The following SMYD4 variants were observed in gnomAD, a reference collection of about 807,000 sequenced individuals.
SMYD4 encodes SET and MYND domain containing 4, also known as protein-lysine N-methyltransferase SMYD4.
SMYD4 carries 68 observed loss-of-function variants against 72.8 expected under a neutral mutation model. That is an observed-to-expected ratio of 0.93 (90% CI 0.77 to 1.14). The LOEUF (loss-of-function observed/expected upper bound fraction) is 1.14, where lower values mean the gene tolerates loss of function less well. Ranked by LOEUF, SMYD4 falls within the 50% of genes most tolerant of loss-of-function variation. The pLI is 0.00. For missense variants in SMYD4, 984 were observed against 1,003.7 expected, an observed-to-expected ratio of 0.98 and a Z score of 0.27; for synonymous variants, 407 against 388.6, an observed-to-expected ratio of 1.05 and a Z score of -0.56.
chr17:1,821,855 T>A (rs1163478431), intron 2 of SMYD4, among the ~76,000 whole-genome samples: 1 of 151,416 alleles, frequency 6.6e-6, no homozygotes, highest in Non-Finnish European at 1.5e-5. Context: ...CGCTTGAACC[T>A]GGGAGGCAGA....
At chr17:1,817,819 G>A (rs992465887) in intron 2 of SMYD4, among the ~76,000 whole-genome samples, 1 of 151,952 alleles carries the variant, frequency 6.6e-6, no homozygotes, top group Non-Finnish European at 1.5e-5. Context: ...AGGCCGAGGT[G>A]GGCGGATCAC....
Position 1,787,408 on chromosome 17 carries a change from G to C in SMYD4, c.1720+14C>G, listed in dbSNP as rs189865799. The stretch of plus-strand genomic sequence containing the variant: ...TGGAGAAGGGCAGGATGGCAGTGCG[G>C]AGGGATGGCTCACCATAGCAGTGGA... On this transcript the variant is annotated intron_variant, in intron 6 of 10. Coordinates refer to ENST00000305513, the MANE Select transcript of SMYD4 (RefSeq NM_052928.3). 6.4e-7 allele frequency: 1 copy of C among 1,552,386 alleles called. No individual in the cohort carries two copies.
chr17:1,799,872 T>A lies in SMYD4; in HGVS notation c.1522A>T (p.Thr508Ser), dbSNP rs1275979707. The A allele has an allele frequency of 6.2e-7, 1 of 1,600,172 alleles. No homozygotes were observed. Among genetic ancestry groups the A allele is most frequent in the Admixed American group, 1.7e-5 (1 of 59,232 alleles). The change falls in exon 5 of 11, where the codon ACC becomes TCC. Residue 508 changes from threonine to serine, a missense_variant. Coordinates refer to ENST00000305513, the MANE Select transcript of SMYD4 (RefSeq NM_052928.3). ...QLQCNAQAMT[T>S]IQHTGPKGSI... ...TCCCTCTTACCTGTGTGTTGTATGG[T>A]GGTCATCGCCTGAGCGTTACACTGA...
rs1040016648 is a variant in SMYD4, at chr17:1,800,786, C to A, written c.608G>T (p.Ser203Ile). 1.9e-6 allele frequency: 3 copies of A among 1,614,220 alleles called. No homozygotes were observed. Among genetic ancestry groups the A allele is most frequent in the Non-Finnish European group, 2.5e-6 (3 of 1,180,032 alleles). Residue 203 changes from serine (S) to isoleucine (I), a missense_variant, in exon 5 of 11, where the codon AGT becomes ATT. Coordinates refer to ENST00000305513, the MANE Select transcript of SMYD4 (RefSeq NM_052928.3). ...AGCTGCTGGGAAGCTTTCTGTGAGACTGTCCTTTTCTTGCATCTTCATTTT... is the reference window on the plus strand; with the variant it reads ...AGCTGCTGGGAAGCTTTCTGTGAGAATGTCCTTTTCTTGCATCTTCATTTT... Reference protein sequence around the residue: ...RLKMKMQEKDSLTESFPAALA... With the variant: ...RLKMKMQEKDILTESFPAALA...
intron 2 of SMYD4, among the ~76,000 whole-genome samples, chr17:1,826,027 G>C (rs1336811120): frequency 6.6e-6 from 1 of 151,568 alleles, no homozygotes; most frequent in Non-Finnish European, 1.5e-5. Flanking sequence ...TTGTAAATAG[G>C]GTAAAAAAGA....
Position 1,780,926 on chromosome 17 carries a change from A to ATT in SMYD4, c.*358_*359dup. 3 of 109,924 alleles carry ATT rather than the reference A, an allele frequency of 2.7e-5. No homozygotes were observed. The highest frequency in any genetic ancestry group is 2.4e-4 in the South Asian group (1 of 4,140). The allele number at this position is 109,924 out of a possible 1,614,324, so 6.8% of individuals were successfully genotyped here. On this transcript the variant is annotated 3_prime_UTR_variant, in exon 11 of 11. Coordinates refer to ENST00000305513, the MANE Select transcript of SMYD4 (RefSeq NM_052928.3). ...CTTGAGCCACCGCACCCGGCCTCTT[A>ATT]TTTTTTTTTTTGAGATGGAGTCTCA...
rs1909395171 is a variant in SMYD4 at position 1,796,175 on chromosome 17, C to T, written c.1537+3682G>A. On this transcript the variant is annotated intron_variant, in intron 5 of 10. Transcript: ENST00000305513. ...TGAGACAGGGTCTCTCTCTGTTGCCCAGGCTCTAGTGCAGTGGCGCAACTC... is the reference window on the plus strand; with the variant it reads ...TGAGACAGGGTCTCTCTCTGTTGCCTAGGCTCTAGTGCAGTGGCGCAACTC... Among the ~76,000 whole-genome samples, 4 of 152,180 alleles carry T rather than the reference C, an allele frequency of 2.6e-5. No individual in the cohort carries two copies. In the South Asian group the frequency reaches 8.3e-4, roughly 32 times the overall value.
intron 5 of SMYD4, among the ~76,000 whole-genome samples, chr17:1,798,422 A>G (rs1441768041): frequency 6.6e-6 from 1 of 152,070 alleles, no homozygotes; most frequent in Admixed American, 6.6e-5. Context: ...TGTACCTTAT[A>G]AGAAACTTGC....
chr17:1,822,384 T>C lies in SMYD4; in HGVS notation c.134+5477A>G, dbSNP rs563085787. 3.9e-5 allele frequency among the ~76,000 whole-genome samples: 6 copies of C among 152,318 alleles called. No individual in the cohort carries two copies. In the South Asian group the frequency reaches 1.0e-3, roughly 26 times the overall value. ...AAGCACTATTTGATTTCTTAAAGTA[T>C]GTATGCATATTATTCTGATAAAAAA... On this transcript the variant is annotated intron_variant, in intron 2 of 10. Transcript: ENST00000305513.
intron 5 of SMYD4, 74 bp downstream of exon 5, chr17:1,799,783 G>C: frequency 7.2e-7 from 1 of 1,383,996 alleles, no homozygotes; most frequent in Non-Finnish European, 9.6e-7. Flanking sequence ...ATTTTCCTTT[G>C]GAATTGTTTC....
chr17:1,784,575 C>T, intron 7 of SMYD4, 114 bp from the exon 8 acceptor site: 2 of 1,509,442 alleles, frequency 1.3e-6, no homozygotes, highest in East Asian at 2.3e-5. Context: ...AAAGAGACTC[C>T]TGTAACAATA....
rs779467582 is a variant in SMYD4, at chr17:1,799,981, AGAG to A, written c.1410_1412del (p.Ser471del). The A allele has an allele frequency of 2.5e-5, 40 of 1,614,108 alleles. No homozygotes were observed. The highest frequency in any genetic ancestry group is 6.7e-5 in the African/African-American group (5 of 75,028). On this transcript the variant is annotated inframe_deletion, in exon 5 of 11. Transcript: ENST00000305513. The stretch of plus-strand genomic sequence containing the variant: ...CAGGTGTCACTGCTGCTTTAAGCTG[AGAG>A]GAGTTCACAATCCTCTCAGTTGGGA...
At chr17:1,787,016 AG>A in intron 6 of SMYD4, 43 bp from the exon 7 acceptor site, 1 of 1,157,170 alleles carries the variant, frequency 8.6e-7, no homozygotes, top group Non-Finnish European at 1.2e-6. Flanking sequence ...AGCAAGAGAG[AG>A]TCAAACACTA....
intron 2 of SMYD4, among the ~76,000 whole-genome samples, chr17:1,824,898 T>G (rs868748801): frequency 6.6e-6 from 1 of 152,270 alleles, no homozygotes; most frequent in Middle Eastern, 3.4e-3. Flanking sequence ...GCGCTGCGAT[T>G]ACAGGCGTGA....
intron 5 of SMYD4, among the ~76,000 whole-genome samples, chr17:1,789,693 AGGT>A (rs1908908352): frequency 4.1e-5 from 6 of 146,564 alleles, no homozygotes; most frequent in East Asian, 2.1e-4. Flanking sequence ...TGAAACTGGG[AGGT>A]GGAGGTTGCA....
rs756289753 is a variant in SMYD4 at position 1,800,271 on chromosome 17, T to C, written c.1123A>G (p.Ser375Gly). 2 of 1,614,094 alleles carry C rather than the reference T, an allele frequency of 1.2e-6. No individual in the cohort carries two copies. The highest frequency in any genetic ancestry group is 1.7e-6 in the Non-Finnish European group (2 of 1,180,056). ...KIITKLCDKISNKDICLPESN... is the reference protein window; with the variant it reads ...KIITKLCDKIGNKDICLPESN... Reference sequence around the variant, plus strand: ...TCAGGTAAACAGATGTCCTTGTTACTAATCTTATCACAAAGCTTCGTTATG... The same window carrying C: ...TCAGGTAAACAGATGTCCTTGTTACCAATCTTATCACAAAGCTTCGTTATG... The change falls in exon 5 of 11, where the codon AGT (serine) becomes GGT (glycine). Residue 375 changes from serine (S) to glycine (G), a missense_variant. By Grantham distance (56) the Ser-to-Gly change is moderately conservative. Coordinates refer to ENST00000305513, the MANE Select transcript of SMYD4 (RefSeq NM_052928.3).
intron 2 of SMYD4, among the ~76,000 whole-genome samples, chr17:1,815,610 A>G (rs1910550577): frequency 6.7e-6 from 1 of 149,468 alleles, no homozygotes. Flanking sequence ...GTGAGCTACG[A>G]TCACACCACT....
At chr17:1,828,934 TTTTC>T (rs1911364485) in intron 1 of SMYD4, among the ~76,000 whole-genome samples, 1 of 151,554 alleles carries the variant, frequency 6.6e-6, no homozygotes, top group Non-Finnish European at 1.5e-5. Flanking sequence ...CATCCCAGAT[TTTTC>T]TTTCTCACCC....
At position 1,827,958 on chromosome 17, in the gene SMYD4, G is replaced by A. The variant is rs1474100035; in HGVS notation, c.37C>T (p.Leu13Phe). The change falls in exon 2 of 11, where the codon CTT becomes TTT. Residue 13 changes from leucine (L) to phenylalanine (F), a missense_variant. Physicochemically the swap from Leu to Phe is conservative, Grantham distance 22. Coordinates refer to ENST00000305513, the MANE Select transcript of SMYD4 (RefSeq NM_052928.3). ...LPVDEWKSYL[L>F]QKWASLPTSV... ...GTCGGGAGTGAAGCCCACTTTTGAA[G>A]CAGATATGATTTCCATTCATCCACA... 1.3e-5 allele frequency: 21 copies of A among 1,613,442 alleles called. No homozygotes were observed. Among genetic ancestry groups the A allele is most frequent in the Non-Finnish European group, 1.7e-5 (20 of 1,179,436 alleles).
Sources: allele counts gnomAD v4.1 joint callset (sites outside exome capture counted in the v4.1 genomes callset), GRCh38; gene constraint gnomAD v4.1.1; transcripts MANE v1.5; gene names NCBI Gene and HGNC (gene_info 2026-07-23, HGNC 2026-07-21).